The following NUP155 variants were observed in gnomAD, a reference collection of about 807,000 sequenced individuals.
NUP155 encodes nucleoporin 155.
In NUP155, 71 loss-of-function variants were observed where a neutral mutation model predicts 180.4. The observed-to-expected ratio is 0.39, with a 90% CI of 0.33 to 0.48. The LOEUF (loss-of-function observed/expected upper bound fraction) is 0.48. Ranked by LOEUF, NUP155 falls within the 20% of genes least tolerant of loss-of-function variation. The pLI, the probability that NUP155 is intolerant of heterozygous loss-of-function variation, is 0.91. For synonymous variants in NUP155, 582 were observed against 559.5 expected, an observed-to-expected ratio of 1.04 and a Z score of -0.57; for missense variants, 1,553 against 1,648.9, an observed-to-expected ratio of 0.94 and a Z score of 1.01.
intron 15 of NUP155, 88 bp from the exon 16 acceptor site, chr5:37,329,366 C>T: frequency 2.0e-6 from 2 of 988,802 alleles, no homozygotes; most frequent in Non-Finnish European, 3.2e-6. Flanking sequence ...TGTTTAGCTT[C>T]CAAGTAAATG....
intron 9 of NUP155, among the ~76,000 whole-genome samples, chr5:37,345,682 A>T (rs753292123): frequency 6.6e-6 from 1 of 152,038 alleles, no homozygotes; most frequent in Non-Finnish European, 1.5e-5. Flanking sequence ...AGGCGCGCAG[A>T]TAACAAGGTC....
At chr5:37,346,098 T>G (rs1048169542) in intron 9 of NUP155, among the ~76,000 whole-genome samples, 4 of 151,970 alleles carry the variant, frequency 2.6e-5, no homozygotes, top group Non-Finnish European at 5.9e-5. Context: ...CTGAGCAAGA[T>G]AGCAAGACCC....
chr5:37,352,482 A>C (rs993528171), intron 5 of NUP155, among the ~76,000 whole-genome samples: 4 of 152,130 alleles, frequency 2.6e-5, no homozygotes, highest in African/African-American at 9.7e-5. Context: ...AGGATGCGGT[A>C]AGCCAAGATC....
intron 20 of NUP155, among the ~76,000 whole-genome samples, chr5:37,322,649 G>T (rs1455550771): frequency 6.6e-6 from 1 of 150,986 alleles, no homozygotes; most frequent in Admixed American, 6.6e-5. Flanking sequence ...GGAGGTTGCA[G>T]TGAGCTGAGA....
chr5:37,337,775 A>T, intron 12 of NUP155, 43 bp downstream of exon 12: 1 of 1,222,876 alleles, frequency 8.2e-7, no homozygotes, highest in Non-Finnish European at 1.2e-6. Flanking sequence ...TCCTTCACTT[A>T]AAATTATATA....
intron 32 of NUP155, among the ~76,000 whole-genome samples, chr5:37,294,834 T>A (rs1742435744): frequency 6.6e-6 from 1 of 152,198 alleles, no homozygotes. Flanking sequence ...TGCCTAGGGC[T>A]GGAGGGTGTG....
rs535855129 is a variant in NUP155 at position 37,353,263 on chromosome 5, T to TAC, written c.464-436_464-435dup. Among the ~76,000 whole-genome samples the TAC allele has an allele frequency of 1.8e-3, 270 of 151,500 alleles. 2 individuals carry two copies. Among genetic ancestry groups the TAC allele is most frequent in the African/African-American group, 5.2e-3 (214 of 41,350 alleles). ...TTAAAAAAAATGACATATATATATATACACACACACACACAAAATGGAATA... is the reference window on the plus strand; with the variant it reads ...TTAAAAAAAATGACATATATATATATACACACACACACACACAAAATGGAATA... On this transcript the variant is annotated intron_variant, in intron 4 of 34. Transcript: ENST00000231498.
intron 32 of NUP155, among the ~76,000 whole-genome samples, chr5:37,298,645 G>A (rs1742708601): frequency 6.6e-6 from 1 of 152,122 alleles, no homozygotes; most frequent in Non-Finnish European, 1.5e-5. Flanking sequence ...CCTAAGACAG[G>A]TAATATAAAC....
intron 19 of NUP155, 31 bp from the exon 20 acceptor site, chr5:37,324,138 A>G (rs1744429212): frequency 3.1e-6 from 4 of 1,310,264 alleles, no homozygotes; most frequent in Non-Finnish European, 4.4e-6. Context: ...TCAAAAGTTT[A>G]AAAACACACC....
intron 24 of NUP155, among the ~76,000 whole-genome samples, chr5:37,307,711 C>G (rs1743246423): frequency 6.6e-6 from 1 of 151,924 alleles, no homozygotes. Context: ...ATCACAAGGT[C>G]AGGGGTTCGA....
At chr5:37,352,707 T>TA (rs780439659) in intron 5 of NUP155, 30 bp downstream of exon 5, 3 of 1,467,002 alleles carry the variant, frequency 2.0e-6, no homozygotes, top group East Asian at 4.5e-5. Flanking sequence ...ACTATTATTT[T>TA]AAAAAACGTT....
intron 20 of NUP155, among the ~76,000 whole-genome samples, chr5:37,319,820 G>A (rs1046317757): frequency 7.9e-5 from 12 of 152,136 alleles, no homozygotes; most frequent in African/African-American, 1.9e-4. Context: ...GCGGTGAGCC[G>A]TGATCATGCC....
intron 32 of NUP155, among the ~76,000 whole-genome samples, chr5:37,295,280 C>G (rs866916735): frequency 6.6e-6 from 1 of 152,172 alleles, no homozygotes; most frequent in Non-Finnish European, 1.5e-5. Flanking sequence ...AGCTCCTAAC[C>G]GCGAGTGATC....
chr5:37,296,673 CAAG>C (rs1742597842), intron 32 of NUP155, among the ~76,000 whole-genome samples: 1 of 140,528 alleles, frequency 7.1e-6, no homozygotes, highest in African/African-American at 3.3e-5. Context: ...GAGAAACACC[CAAG>C]AATGATCAAT....
At chr5:37,301,659 A>G (rs181716439) in intron 29 of NUP155, 109 bp from the exon 30 acceptor site, 3 of 738,210 alleles carry the variant, frequency 4.1e-6, no homozygotes, top group Non-Finnish European at 7.4e-6. Context: ...ATAATGTATA[A>G]ATGAAGATTT....
chr5:37,331,674 T>C lies in NUP155; in HGVS notation c.1629+11A>G, dbSNP rs759159751. The C allele has an allele frequency of 1.4e-6, 2 of 1,459,346 alleles. No individual in the cohort carries two copies. The highest frequency in any genetic ancestry group is 1.9e-6 in the Non-Finnish European group (2 of 1,045,424). 90.4% of individuals were successfully genotyped at this position (1,459,346 alleles called of 1,614,324 possible). On this transcript the variant is annotated intron_variant, in intron 14 of 34. Coordinates refer to ENST00000231498, the MANE Select transcript of NUP155 (RefSeq NM_153485.3). ...AATAGCATCACATTTTTTAAAAGTA[T>C]ATATAATTACCTGATGTAATTTAAA...
chr5:37,303,383 A>G lies in NUP155; in HGVS notation c.3194T>C (p.Val1065Ala). 1 of 1,614,142 alleles carries G rather than the reference A, an allele frequency of 6.2e-7. No homozygotes were observed. Among genetic ancestry groups the G allele is most frequent in the South Asian group, 1.1e-5 (1 of 91,084 alleles). ...VASPFLEPHL[V>A]RMAKVDQNRV... ...GTTTTGATCAACTTTGGCCATTCGG[A>G]CTAGATGTGGCTCCAGAAATGGAGA... Residue 1065 changes from valine to alanine, a missense_variant, in exon 28 of 35, where the codon GTC becomes GCC. By Grantham distance (64) the Val-to-Ala change is moderately conservative (BLOSUM62 0). Coordinates refer to ENST00000231498, the MANE Select transcript of NUP155 (RefSeq NM_153485.3).
intron 1 of NUP155, among the ~76,000 whole-genome samples, chr5:37,368,208 CCTT>C (rs1747728591): frequency 8.6e-6 from 1 of 115,862 alleles, no homozygotes; most frequent in African/African-American, 3.3e-5. Context: ...CAGCGCCAGG[CCTT>C]TTTTTTTTTT....
In NUP155 at chr5:37,370,874, T is replaced by G. The variant is rs768898632; in HGVS notation, c.104A>C (p.Gln35Pro). 1.2e-6 allele frequency: 2 copies of G among 1,614,154 alleles called. No homozygotes were observed. Among genetic ancestry groups the G allele is most frequent in the Admixed American group, 1.7e-5 (1 of 60,000 alleles). The change falls in exon 1 of 35, where the codon CAA (glutamine) becomes CCA (proline). Residue 35 changes from glutamine to proline, a missense_variant. Gln to Pro is a moderately conservative substitution (Grantham distance 76). Transcript: ENST00000231498. Reference sequence around the variant, plus strand: ...AAGGTCCGGGTACATGCGGTCCTCTTGCAACTGACGGTCGATGAGCCGTCC... The same window carrying G: ...AAGGTCCGGGTACATGCGGTCCTCTGGCAACTGACGGTCGATGAGCCGTCC... Reference protein sequence around the residue: ...NAGRLIDRQLQEDRMYPDLSE... With the variant: ...NAGRLIDRQLPEDRMYPDLSE...
Sources: allele counts gnomAD v4.1 joint callset (sites outside exome capture counted in the v4.1 genomes callset), GRCh38; gene constraint gnomAD v4.1.1; transcripts MANE v1.5; gene names NCBI Gene and HGNC (gene_info 2026-07-23, HGNC 2026-07-21).